OAF: variants seen among roughly 807,000 people sequenced by gnomAD.
OAF encodes the protein out at first protein homolog.
In OAF, 13 loss-of-function variants were observed where a neutral mutation model predicts 22.5. That is an observed-to-expected ratio of 0.58 (90% confidence interval 0.38 to 0.92). The LOEUF is 0.92. Ranked by LOEUF, OAF falls within the 40% of genes least tolerant of loss-of-function variation. The probability of loss-of-function intolerance (pLI) is 0.00; values close to 1 mark genes in which losing one functional copy is unlikely to be tolerated. For missense variants in OAF, 347 were observed against 381.8 expected, an observed-to-expected ratio of 0.91 and a Z score of 0.76; for synonymous variants, 175 against 170.5, an observed-to-expected ratio of 1.03 and a Z score of -0.21.
intron 1 of OAF, among the ~76,000 whole-genome samples, chr11:120,219,050 C>T (rs541926405): frequency 3.5e-4 from 51 of 145,876 alleles, no homozygotes; most frequent in African/African-American, 1.2e-3. Context: ...TGAGGAGAAT[C>T]GAGCAAGTGA....
At chr11:120,215,327 C>G (rs942128415) in intron 1 of OAF, among the ~76,000 whole-genome samples, 1 of 152,162 alleles carries the variant, frequency 6.6e-6, no homozygotes, top group African/African-American at 2.4e-5. Flanking sequence ...GCACTCCAGT[C>G]TGGGTGACAA....
In OAF at chr11:120,211,192, TA is replaced by T; in HGVS notation, c.-87del. 1 of 849,136 alleles carries T rather than the reference TA, an allele frequency of 1.2e-6. No homozygotes were observed. Among genetic ancestry groups the T allele is most frequent in the Non-Finnish European group, 1.5e-6 (1 of 663,964 alleles). The allele number at this position is 849,136 out of a possible 1,614,324, so 52.6% of individuals were successfully genotyped here. A position where few individuals can be genotyped will look rare whatever the true frequency, so the allele number is the denominator to read the frequency against. On this transcript the variant is annotated 5_prime_UTR_variant, in exon 1 of 4. Transcript: ENST00000328965. Reference sequence around the variant, plus strand: ...GGAGCGGCTCCCGGGCGCCCCGAACTAGCCCCCAACTTTGGGCGAAGTTTGC... The same window carrying T: ...GGAGCGGCTCCCGGGCGCCCCGAACTGCCCCCAACTTTGGGCGAAGTTTGC...
At chr11:120,214,092 G>A (rs1368129741) in intron 1 of OAF, 1 of 143,956 alleles carries the variant, frequency 6.9e-6, no homozygotes, top group African/African-American at 2.5e-5. Flanking sequence ...CATTTGCAGT[G>A]ATTTGGGAAA....
intron 1 of OAF, among the ~76,000 whole-genome samples, chr11:120,219,751 C>T (rs1028557162): frequency 2.0e-4 from 31 of 152,240 alleles, no homozygotes; most frequent in African/African-American, 7.2e-4. Context: ...AGGCTTCTGG[C>T]CCTGGCTCTG....
intron 1 of OAF, among the ~76,000 whole-genome samples, chr11:120,216,630 G>A (rs935810255): frequency 3.9e-5 from 6 of 152,120 alleles, no homozygotes; most frequent in African/African-American, 1.2e-4. Context: ...ACCCCCTCCC[G>A]GGAGCTTGGC....
chr11:120,225,897 C>A, intron 2 of OAF, 102 bp downstream of exon 2: 3 of 1,007,162 alleles, frequency 3.0e-6, no homozygotes, highest in Non-Finnish European at 4.4e-6. Flanking sequence ...CCTGCAGACC[C>A]GACCCCTGCA....
intron 1 of OAF, among the ~76,000 whole-genome samples, chr11:120,218,234 C>T (rs931289885): frequency 3.3e-5 from 5 of 152,126 alleles, no homozygotes; most frequent in Admixed American, 2.6e-4. Context: ...CCAAGACAAG[C>T]AGCCTCTGTC....
chr11:120,224,587 G>A (rs1343669410), intron 1 of OAF, among the ~76,000 whole-genome samples: 1 of 152,188 alleles, frequency 6.6e-6, no homozygotes, highest in Non-Finnish European at 1.5e-5. Context: ...TCTCGCGGGT[G>A]TACAGCAAGT....
chr11:120,225,854 G>A, intron 2 of OAF, 59 bp downstream of exon 2: 1 of 1,511,752 alleles, frequency 6.6e-7, no homozygotes, highest in Non-Finnish European at 8.9e-7. Flanking sequence ...ACCCGGCCCA[G>A]ATCCCATCCC....
Position 120,225,790 on chromosome 11 carries a change from C to A in OAF, c.361C>A (p.Arg121=). 1 of 1,599,038 alleles carries A rather than the reference C, an allele frequency of 6.3e-7. No individual in the cohort carries two copies. ...CCCCAGTGAGGCCATGGCCAAGCTC[C>A]GGCAGGTAAGTGCCCCACCAGGCCT... The part of the protein sequence containing the change: ...IIPSEAMAKL[R]QKNPRAVRQA... Residue 121 remains arginine, a synonymous_variant, in exon 2 of 4, where the codon CGG becomes AGG. Coordinates refer to ENST00000328965, the MANE Select transcript of OAF (RefSeq NM_178507.4).
At chr11:120,228,490 G>A (rs539206454) in intron 3 of OAF, among the ~76,000 whole-genome samples, 3 of 152,272 alleles carry the variant, frequency 2.0e-5, no homozygotes, top group African/African-American at 7.2e-5. Context: ...GGGTGGCAGT[G>A]TGGTCTAGTG....
chr11:120,217,930 GA>G (rs1187630092), intron 1 of OAF, among the ~76,000 whole-genome samples: 1 of 152,226 alleles, frequency 6.6e-6, no homozygotes, highest in Non-Finnish European at 1.5e-5. Flanking sequence ...GGCAAGTGTT[GA>G]AGTGGCTGCC....
intron 1 of OAF, among the ~76,000 whole-genome samples, chr11:120,224,686 A>C (rs911794173): frequency 1.3e-5 from 2 of 152,216 alleles, no homozygotes; most frequent in Non-Finnish European, 2.9e-5. Context: ...GTGCAGAGCC[A>C]TAGGGGTTCC....
At chr11:120,224,328 C>T (rs1197286470) in intron 1 of OAF, among the ~76,000 whole-genome samples, 1 of 152,246 alleles carries the variant, frequency 6.6e-6, no homozygotes, top group Non-Finnish European at 1.5e-5. Flanking sequence ...ACGATGCTTG[C>T]TGGTCACCTA....
intron 3 of OAF, 56 bp downstream of exon 3, chr11:120,227,052 A>G: frequency 1.5e-6 from 2 of 1,350,348 alleles, no homozygotes; most frequent in East Asian, 2.3e-5. Context: ...GGACAGGGAG[A>G]CAGCACAGAG....
chr11:120,220,200 C>T (rs1417195747), intron 1 of OAF, among the ~76,000 whole-genome samples: 1 of 152,140 alleles, frequency 6.6e-6, no homozygotes, highest in African/African-American at 2.4e-5. Context: ...CCACAGGTCC[C>T]TCATGTCACC....
chr11:120,222,661 C>A (rs190396176), intron 1 of OAF, among the ~76,000 whole-genome samples: 1 of 152,140 alleles, frequency 6.6e-6, no homozygotes, highest in Non-Finnish European at 1.5e-5. Flanking sequence ...CGCCTGTAAT[C>A]CCAACACTTT....
intron 1 of OAF, among the ~76,000 whole-genome samples, chr11:120,221,408 T>C (rs1425971750): frequency 6.6e-6 from 1 of 151,884 alleles, no homozygotes; most frequent in Non-Finnish European, 1.5e-5. Context: ...AGGAGTGGAG[T>C]AGATTTCAGG....
In OAF at chr11:120,230,112, A is replaced by T. The variant is rs905574141; in HGVS notation, c.*970A>T. ...GAGGAGAAGGAAGATGTTACTAGGG[A>T]AGGATGAGATAAAACTTCTGCACCC... On this transcript the variant is annotated 3_prime_UTR_variant, in exon 4 of 4. Transcript: ENST00000328965. The T allele has an allele frequency of 2.6e-5, 4 of 152,210 alleles. No individual in the cohort carries two copies. Among genetic ancestry groups the T allele is most frequent in the Non-Finnish European group, 5.9e-5 (4 of 68,048 alleles). 9.4% of individuals were successfully genotyped at this position (152,210 alleles called of 1,614,324 possible). A position where few individuals can be genotyped will look rare whatever the true frequency, so the allele number is the denominator to read the frequency against.
Sources: gnomAD v4.1 joint callset for allele counts (sites outside exome capture counted in the v4.1 genomes callset) on GRCh38, gnomAD v4.1.1 for gene constraint, MANE v1.5 for transcripts, NCBI Gene and HGNC (gene_info 2026-07-23, HGNC 2026-07-21) for gene names.